Variants in IDO2 observed in about 807,000 individuals in gnomAD.
IDO2 encodes indoleamine 2,3-dioxygenase 2.
In IDO2, 46 loss-of-function variants were observed where a neutral mutation model predicts 45.1. The ratio of observed to expected loss-of-function variants is 1.02; its 90% CI spans 0.80 to 1.30. IDO2 has a LOEUF of 1.30. IDO2 is among the 50% of genes most tolerant of loss of function. The probability of loss-of-function intolerance (pLI) is 0.00; values close to 1 mark genes in which losing one functional copy is unlikely to be tolerated. For missense variants in IDO2, 544 were observed against 491.8 expected (o/e 1.11, Z -1.00); for synonymous variants, 218 against 184.9 (o/e 1.18, Z -1.45).
chr8:39,968,865 C>T (rs753999164), intron 3 of IDO2, among the ~76,000 whole-genome samples: 12 of 149,240 alleles, frequency 8.0e-5, no homozygotes, highest in Non-Finnish European at 1.6e-4. Context: ...TATCCCAGAA[C>T]TTAAAGCAAA....
chr8:39,993,568 T>A (rs1283964369), intron 8 of IDO2, among the ~76,000 whole-genome samples: 1 of 152,226 alleles, frequency 6.6e-6, no homozygotes, highest in Non-Finnish European at 1.5e-5. Flanking sequence ...TCACTTGATT[T>A]CATGGAAGGA....
At chr8:39,970,847 A>G (rs1808167219) in intron 3 of IDO2, among the ~76,000 whole-genome samples, 1 of 150,438 alleles carries the variant, frequency 6.6e-6, no homozygotes, top group East Asian at 2.0e-4. Context: ...GCTCACTGCA[A>G]TCTCTGCCTC....
intron 8 of IDO2, among the ~76,000 whole-genome samples, chr8:39,990,109 G>A (rs1808478980): frequency 6.6e-6 from 1 of 152,152 alleles, no homozygotes; most frequent in South Asian, 2.1e-4. Flanking sequence ...GCATGTTGAG[G>A]TCTTGCCTGA....
exon 10 of IDO2, chr8:40,013,571 A>G (rs1371420154): frequency 6.2e-7 from 1 of 1,612,822 alleles, no homozygotes; most frequent in South Asian, 1.1e-5. Context: ...TTAGATGGAA[A>G]GACAACCCAG....
intron 7 of IDO2, 79 bp downstream of exon 7, chr8:39,988,049 G>A: frequency 2.5e-6 from 2 of 795,590 alleles, no homozygotes; most frequent in Admixed American, 2.3e-5. Context: ...TTCCTGCAGT[G>A]GATTTCTCAA....
At chr8:39,998,894 C>T (rs185880628) in intron 8 of IDO2, among the ~76,000 whole-genome samples, 20 of 152,126 alleles carry the variant, frequency 1.3e-4, no homozygotes, top group African/African-American at 4.1e-4. Context: ...CCACCTTCCT[C>T]AGCCTCCCAA....
intron 5 of IDO2, among the ~76,000 whole-genome samples, chr8:39,983,579 C>T (rs1563434714): frequency 6.6e-6 from 1 of 151,928 alleles, no homozygotes; most frequent in Non-Finnish European, 1.5e-5. Context: ...ATTTATGTGC[C>T]CCGGCCGGGC....
At chr8:39,978,335 G>C (rs1808292820) in intron 3 of IDO2, among the ~76,000 whole-genome samples, 1 of 152,226 alleles carries the variant, frequency 6.6e-6, no homozygotes, top group Non-Finnish European at 1.5e-5. Flanking sequence ...TGGGGAGTGG[G>C]CTGGGGCGAG....
chr8:39,966,393 C>T (rs1313284519), intron 3 of IDO2, among the ~76,000 whole-genome samples: 1 of 152,092 alleles, frequency 6.6e-6, no homozygotes, highest in Non-Finnish European at 1.5e-5. Flanking sequence ...GACTTTACCA[C>T]CAAAGGCTGA....
intron 1 of IDO2, among the ~76,000 whole-genome samples, chr8:39,937,043 C>A (rs1251005264): frequency 2.0e-5 from 3 of 152,222 alleles, no homozygotes; most frequent in Non-Finnish European, 2.9e-5. Flanking sequence ...CCATATTTAA[C>A]ATACCTATTG....
rs529789852 is a variant in IDO2, at chr8:39,942,890, G to C, written c.-17-6259G>C. 8.5e-5 allele frequency among the ~76,000 whole-genome samples: 13 copies of C among 152,140 alleles called. No individual in the cohort carries two copies. The South Asian group carries it at 2.7e-3, about 32-fold the overall frequency. On this transcript the variant is annotated intron_variant, in intron 1 of 10. Coordinates refer to ENST00000502986, the Ensembl canonical transcript of IDO2. ...TTCTTGAGAAGGTGCAGAGGGAATG[G>C]ATGAAAAAAACCACATGACTAACAT...
intron 4 of IDO2, among the ~76,000 whole-genome samples, chr8:39,979,584 C>G (rs1171593160): frequency 6.6e-6 from 1 of 151,694 alleles, no homozygotes; most frequent in Non-Finnish European, 1.5e-5. Context: ...AACTCTTGAC[C>G]TCAGGTAATC....
chr8:39,999,625 A>G (rs1802105636), intron 8 of IDO2, among the ~76,000 whole-genome samples: 1 of 148,940 alleles, frequency 6.7e-6, no homozygotes, highest in Non-Finnish European at 1.5e-5. Context: ...CAACATGCAC[A>G]ACTAATTTTT....
At chr8:39,993,334 T>C (rs183302952) in intron 8 of IDO2, among the ~76,000 whole-genome samples, 18 of 152,252 alleles carry the variant, frequency 1.2e-4, no homozygotes, top group Admixed American at 2.6e-4. Context: ...CAAAAAGCCA[T>C]GGAAATGTTT....
chr8:39,980,286 A>C (rs1484574887), intron 4 of IDO2, among the ~76,000 whole-genome samples: 1 of 152,232 alleles, frequency 6.6e-6, no homozygotes, highest in African/African-American at 2.4e-5. Context: ...AAGGTCAGAC[A>C]GCAAATTAGT....
exon 11 of IDO2, chr8:40,015,498 C>T (rs1802374070): frequency 6.2e-7 from 1 of 1,613,876 alleles, no homozygotes; most frequent in African/African-American, 1.3e-5. Flanking sequence ...CCCAGGGCCT[C>T]CTCAGGCTTT....
chr8:39,963,179 C>T (rs1227871540), intron 2 of IDO2, among the ~76,000 whole-genome samples: 2 of 152,196 alleles, frequency 1.3e-5, no homozygotes, highest in African/African-American at 2.4e-5. Flanking sequence ...CTGCTGTCCC[C>T]TCTACCTTTA....
intron 6 of IDO2, chr8:39,987,080 C>T (rs1291761723): frequency 6.6e-6 from 1 of 152,130 alleles, no homozygotes; most frequent in Non-Finnish European, 1.5e-5. Flanking sequence ...GAACTCCTGA[C>T]CTCAGGTAAT....
At chr8:39,965,443 C>T (rs1585403212) in intron 3 of IDO2, among the ~76,000 whole-genome samples, 1 of 152,276 alleles carries the variant, frequency 6.6e-6, no homozygotes, top group East Asian at 1.9e-4. Flanking sequence ...GCTGAGATCA[C>T]ACCACTGAAC....
Sources: allele counts gnomAD v4.1 joint callset (sites outside exome capture counted in the v4.1 genomes callset), GRCh38; gene constraint gnomAD v4.1.1; transcripts MANE v1.5; gene names NCBI Gene and HGNC (gene_info 2026-07-23, HGNC 2026-07-21).